DOCK1: variants seen among roughly 807,000 people sequenced by gnomAD.
DOCK1 encodes dedicator of cytokinesis protein 1.
A neutral mutation model predicts 262.7 loss-of-function variants in DOCK1; 138 were observed. The observed-to-expected ratio is 0.53, with a 90% CI of 0.46 to 0.61. DOCK1 has a LOEUF of 0.61. Ranked by LOEUF, DOCK1 falls within the 20% of genes least tolerant of loss-of-function variation. DOCK1 has a pLI of 0.00. For synonymous variants in DOCK1, 866 were observed against 867.4 expected (o/e 1.00, Z 0.03); for missense variants, 1,908 against 2,370.7 (o/e 0.80, Z 4.05).
chr10:127,392,010 T>C (rs530513295), intron 38 of DOCK1, among the ~76,000 whole-genome samples: 2 of 152,014 alleles, frequency 1.3e-5, no homozygotes, highest in Admixed American at 1.3e-4. Context: ...CCTCCAGATG[T>C]ACCCTCTCAT....
intron 23 of DOCK1, among the ~76,000 whole-genome samples, chr10:127,092,946 G>C (rs770991340): frequency 6.6e-6 from 1 of 152,116 alleles, no homozygotes; most frequent in Admixed American, 6.5e-5. Flanking sequence ...CAATACAAAC[G>C]AGGGGCTTCA....
intron 1 of DOCK1, among the ~76,000 whole-genome samples, chr10:126,964,392 C>T (rs1376848240): frequency 1.3e-5 from 2 of 152,146 alleles, no homozygotes; most frequent in South Asian, 2.1e-4. Context: ...ACCAGGCAAA[C>T]GTGTAGGGTG....
At chr10:127,205,956 G>A (rs565474641) in intron 27 of DOCK1, among the ~76,000 whole-genome samples, 3 of 152,146 alleles carry the variant, frequency 2.0e-5, no homozygotes, top group Admixed American at 2.0e-4. Flanking sequence ...CTCTTTACAT[G>A]CAAGTATGAC....
At chr10:127,190,665 T>TTCCCCCC (rs1564887696) in intron 27 of DOCK1, among the ~76,000 whole-genome samples, 1 of 41,792 alleles carries the variant, frequency 2.4e-5, no homozygotes, top group African/African-American at 1.4e-4. Context: ...AATCCTATCT[T>TTCCCCCC]CCCCCCCCCC....
chr10:127,306,235 A>G (rs773446765), intron 29 of DOCK1, among the ~76,000 whole-genome samples: 4 of 152,090 alleles, frequency 2.6e-5, no homozygotes, highest in Non-Finnish European at 5.9e-5. Context: ...GGCTGGTCTC[A>G]AACTCCTGAC....
chr10:127,380,044 C>A, intron 35 of DOCK1, 38 bp from the exon 36 acceptor site: 1 of 1,388,464 alleles, frequency 7.2e-7, no homozygotes, highest in Non-Finnish European at 1.0e-6. Flanking sequence ...TTTTGTGGAA[C>A]AGATTTCTTA....
chr10:127,072,993 T>C (rs2046319625), intron 23 of DOCK1, among the ~76,000 whole-genome samples: 1 of 152,240 alleles, frequency 6.6e-6, no homozygotes, highest in South Asian at 2.1e-4. Context: ...CAAGGTCTTC[T>C]CAAGTGAACT....
At chr10:126,950,682 C>T (rs988892411) in intron 1 of DOCK1, among the ~76,000 whole-genome samples, 6 of 152,212 alleles carry the variant, frequency 3.9e-5, no homozygotes, top group South Asian at 2.1e-4. Context: ...GGAGGTGGGG[C>T]GGCAGCATGC....
At chr10:127,064,635 C>T (rs1434477607) in intron 23 of DOCK1, among the ~76,000 whole-genome samples, 1 of 152,190 alleles carries the variant, frequency 6.6e-6, no homozygotes, top group Non-Finnish European at 1.5e-5. Context: ...TCCCGTCACC[C>T]CCGCTCCCCA....
At chr10:127,072,310 AC>A (rs767175769) in intron 23 of DOCK1, among the ~76,000 whole-genome samples, 5 of 152,186 alleles carry the variant, frequency 3.3e-5, no homozygotes, top group African/African-American at 4.8e-5. Context: ...CTGAGGAGTT[AC>A]AGCACCAATC....
chr10:127,413,272 T>C (rs1390287606), intron 43 of DOCK1, among the ~76,000 whole-genome samples: 2 of 152,154 alleles, frequency 1.3e-5, no homozygotes, highest in Non-Finnish European at 2.9e-5. Context: ...CTCTTGACAT[T>C]TTGAGCTATG....
intron 27 of DOCK1, among the ~76,000 whole-genome samples, chr10:127,242,357 T>C (rs1465785628): frequency 6.6e-6 from 1 of 152,214 alleles, no homozygotes; most frequent in African/African-American, 2.4e-5. Flanking sequence ...CTCCCTGTTT[T>C]TCTCTTTCAT....
In DOCK1 at chr10:127,190,744, G is replaced by C. The variant is rs141070980; in HGVS notation, c.2848-57264G>C. On this transcript the variant is annotated intron_variant, in intron 27 of 51. Transcript: ENST00000623213. ...AATCCCCCACCGCCTTGCTGGCCTTGGGTAGCATCTTTAATCCCTTCTTTC... is the reference window on the plus strand; with the variant it reads ...AATCCCCCACCGCCTTGCTGGCCTTCGGTAGCATCTTTAATCCCTTCTTTC... Among the ~76,000 whole-genome samples, 120 of 133,224 alleles carry C rather than the reference G, an allele frequency of 9.0e-4. No individual in the cohort carries two copies. The Middle Eastern group carries it at 0.015, about 17-fold the overall frequency. The allele number at this position is 133,224 out of a possible 152,430, so 87.4% of individuals were successfully genotyped here.
intron 9 of DOCK1, 27 bp downstream of exon 9, chr10:126,999,462 G>C: frequency 1.3e-6 from 2 of 1,591,528 alleles, no homozygotes; most frequent in Non-Finnish European, 1.7e-6. Context: ...ATGCTTAGTT[G>C]AATTGGCTAC....
At chr10:127,031,157 C>T (rs1231867461) in intron 16 of DOCK1, among the ~76,000 whole-genome samples, 2 of 152,314 alleles carry the variant, frequency 1.3e-5, no homozygotes, top group Admixed American at 6.5e-5. Context: ...CCGCAGTTTC[C>T]TTGGTGGAAT....
chr10:127,232,630 T>G (rs1052286332), intron 27 of DOCK1, among the ~76,000 whole-genome samples: 1 of 152,202 alleles, frequency 6.6e-6, no homozygotes, highest in African/African-American at 2.4e-5. Context: ...TGACCCTGTT[T>G]CCATTTAACC....
rs545878301 is a variant in DOCK1 at position 127,026,347 on chromosome 10, T to G, written c.1552-5T>G. The G allele has an allele frequency of 1.1e-5, 17 of 1,561,084 alleles. No homozygotes were observed. The East Asian group carries it at 3.8e-4, about 35-fold the overall frequency. On this transcript the variant is annotated splice_region_variant and splice_polypyrimidine_tract_variant and intron_variant, in intron 15 of 51. Coordinates refer to ENST00000623213, the MANE Select transcript of DOCK1 (RefSeq NM_001290223.2). ...GTGCTTAAACTTCTTTTTCAATTCT[T>G]GAAGGTGGCCATTCCCATCGAGGAC... is the stretch of plus-strand genomic sequence containing the variant.
rs74158676 is a variant in DOCK1 at position 127,384,137 on chromosome 10, A to G, written c.3808-653A>G. ...CTGAATTTTATTGAACCTTATACTT[A>G]ATGCCACTGATGTGTTGAGCCCAAG... On this transcript the variant is annotated intron_variant, in intron 37 of 51. Coordinates refer to ENST00000623213, the MANE Select transcript of DOCK1 (RefSeq NM_001290223.2). Among the ~76,000 whole-genome samples, 812 of 152,246 alleles carry G rather than the reference A, an allele frequency of 5.3e-3. 10 individuals are homozygous for G. Among genetic ancestry groups the G allele is most frequent in the African/African-American group, 0.018 (761 of 41,548 alleles).
chr10:127,200,667 G>A (rs1223483974), intron 27 of DOCK1, among the ~76,000 whole-genome samples: 1 of 152,144 alleles, frequency 6.6e-6, no homozygotes, highest in Admixed American at 6.5e-5. Context: ...GCCTCCCAAA[G>A]TGCTAAGATT....
Sources: gnomAD v4.1 joint callset for allele counts (sites outside exome capture counted in the v4.1 genomes callset) on GRCh38, gnomAD v4.1.1 for gene constraint, MANE v1.5 for transcripts, NCBI Gene and HGNC (gene_info 2026-07-23, HGNC 2026-07-21) for gene names.